EXT1: variants seen among roughly 807,000 people sequenced by gnomAD.
EXT1 encodes the protein exostosin-1.
In EXT1, 20 loss-of-function variants were observed where a neutral mutation model predicts 82.5. That is an observed-to-expected ratio of 0.24 (90% CI 0.17 to 0.35). The LOEUF (loss-of-function observed/expected upper bound fraction) is 0.35. EXT1 is among the 10% of genes least tolerant of loss of function. The probability of loss-of-function intolerance (pLI) is 1.00; values close to 1 mark genes in which losing one functional copy is unlikely to be tolerated. For missense variants in EXT1, 757 were observed against 936.5 expected, an observed-to-expected ratio of 0.81 and a Z score of 2.50; for synonymous variants, 348 against 350.8, an observed-to-expected ratio of 0.99 and a Z score of 0.09.
chr8:118,046,978 GTGTTTC>G (rs1437822360), intron 1 of EXT1, among the ~76,000 whole-genome samples: 2 of 152,178 alleles, frequency 1.3e-5, no homozygotes, highest in African/African-American at 4.8e-5. Flanking sequence ...TTGGAATGGT[GTGTTTC>G]TGTGGAGGAG....
At chr8:117,962,241 C>T (rs929165354) in intron 1 of EXT1, among the ~76,000 whole-genome samples, 1 of 152,156 alleles carries the variant, frequency 6.6e-6, no homozygotes, top group African/African-American at 2.4e-5. Context: ...GAATACTCTT[C>T]TTTCTATGAA....
At chr8:117,882,186 T>C (rs1813072725) in intron 1 of EXT1, among the ~76,000 whole-genome samples, 1 of 152,178 alleles carries the variant, frequency 6.6e-6, no homozygotes, top group Non-Finnish European at 1.5e-5. Flanking sequence ...GTTCAAGCAA[T>C]TCTCCCACCT....
rs536898096 is a variant in EXT1, at chr8:117,873,203, G to C, written c.963-36002C>G. 2.0e-5 allele frequency among the ~76,000 whole-genome samples: 3 copies of C among 152,220 alleles called. No homozygotes were observed. The East Asian group carries it at 5.8e-4, about 29-fold the overall frequency. Reference sequence around the variant, plus strand: ...CAGAAGCTGACCATGTTGGCACCCTGGTCTCGGACTCTGAGTCTCCACAAC... The same window carrying C: ...CAGAAGCTGACCATGTTGGCACCCTCGTCTCGGACTCTGAGTCTCCACAAC... On this transcript the variant is annotated intron_variant, in intron 1 of 10. Transcript: ENST00000378204.
intron 1 of EXT1, among the ~76,000 whole-genome samples, chr8:118,103,195 G>A (rs1202566534): frequency 1.4e-5 from 2 of 148,044 alleles, no homozygotes; most frequent in Non-Finnish European, 3.0e-5. Context: ...TGTCCAGGGT[G>A]GAGTGCAGTG....
chr8:118,105,286 T>C (rs1245103277), intron 1 of EXT1, among the ~76,000 whole-genome samples: 1 of 152,164 alleles, frequency 6.6e-6, no homozygotes, highest in Admixed American at 6.5e-5. Flanking sequence ...CATCTCCCCT[T>C]TTGCCATCCA....
At chr8:118,073,703 A>AGAAGAGAAGAGAAGC (rs1563647860) in intron 1 of EXT1, among the ~76,000 whole-genome samples, 2 of 101,026 alleles carry the variant, frequency 2.0e-5, no homozygotes, top group Non-Finnish European at 4.7e-5. Flanking sequence ...AGAAGAGAAG[A>AGAAGAGAAGAGAAGC]GAAGCCTCTT....
At chr8:117,831,800 T>C (rs12682457) in intron 3 of EXT1, 67,832 of 376,600 alleles carry the variant, frequency 0.18, 7,167 homozygotes, top group East Asian at 0.38. Flanking sequence ...GGAGGAGCAA[T>C]AAAATAGCTT....
chr8:118,106,303 A>T (rs1817802248), intron 1 of EXT1, among the ~76,000 whole-genome samples: 1 of 152,252 alleles, frequency 6.6e-6, no homozygotes. Flanking sequence ...AGGGTGCCTG[A>T]GAATAGAAAT....
Position 117,819,680 on chromosome 8 carries a change from G to A in EXT1, c.1532C>T (p.Ala511Val). 1 of 1,612,104 alleles carries A rather than the reference G, an allele frequency of 6.2e-7. No homozygotes were observed. The highest frequency in any genetic ancestry group is 8.5e-7 in the Non-Finnish European group (1 of 1,179,710). ...LVAAAKSQYC[A>V]QIIVLWNCDK... ...CTCTGTCAACTTCCCGCTCACCTGGGCACAGTACTGGGACTTGGCTGCAGC... is the reference window on the plus strand; with the variant it reads ...CTCTGTCAACTTCCCGCTCACCTGGACACAGTACTGGGACTTGGCTGCAGC... The change falls in exon 6 of 11, where the codon GCC becomes GTC. Residue 511 changes from alanine to valine, a missense_variant. Physicochemically the swap from Ala to Val is moderately conservative, Grantham distance 64 (BLOSUM62 0). Around this residue, in one of 4 missense-constraint regions of EXT1, gnomAD observed 207 missense variants for 224.2 expected, o/e 0.92. Transcript: ENST00000378204.
At chr8:118,078,238 A>G (rs1815751217) in intron 1 of EXT1, among the ~76,000 whole-genome samples, 1 of 152,120 alleles carries the variant, frequency 6.6e-6, no homozygotes, top group Admixed American at 6.6e-5. Context: ...TCGCTCTGTC[A>G]CCCAGGTTGG....
chr8:118,002,723 G>A (rs573211940), intron 1 of EXT1, among the ~76,000 whole-genome samples: 5 of 151,734 alleles, frequency 3.3e-5, no homozygotes, highest in Admixed American at 1.3e-4. Flanking sequence ...TAGTAGAGAC[G>A]GGGTTTCACC....
At chr8:118,006,558 T>C (rs1815779679) in intron 1 of EXT1, among the ~76,000 whole-genome samples, 1 of 152,142 alleles carries the variant, frequency 6.6e-6, no homozygotes, top group South Asian at 2.1e-4. Context: ...GTAACAATAA[T>C]GGGGGACAAC....
chr8:118,008,554 C>A (rs1262638343), intron 1 of EXT1, among the ~76,000 whole-genome samples: 8 of 152,140 alleles, frequency 5.3e-5, no homozygotes, highest in Non-Finnish European at 1.0e-4. Flanking sequence ...GCCCAGCCTG[C>A]ATTTTATATA....
At chr8:118,084,731 C>T (rs1018045980) in intron 1 of EXT1, among the ~76,000 whole-genome samples, 2 of 152,184 alleles carry the variant, frequency 1.3e-5, no homozygotes, top group East Asian at 3.9e-4. Context: ...CCAGTTCATG[C>T]GGTGTTCAAA....
At chr8:117,890,104 A>C (rs996726740) in intron 1 of EXT1, among the ~76,000 whole-genome samples, 9 of 152,244 alleles carry the variant, frequency 5.9e-5, no homozygotes, top group African/African-American at 2.2e-4. Flanking sequence ...GCTGGACAAC[A>C]GAGTAAGAAT....
At position 118,110,976 on chromosome 8, in the gene EXT1, C is replaced by A. The variant is rs1306372997; in HGVS notation, c.71G>T (p.Gly24Val). 1.9e-6 allele frequency: 3 copies of A among 1,610,564 alleles called. No homozygotes were observed. The highest frequency in any genetic ancestry group is 1.3e-5 in the African/African-American group (1 of 74,904). ...GSCLALLFYFGGLQFRASRSH... is the reference protein window; with the variant it reads ...GSCLALLFYFVGLQFRASRSH... Reference sequence around the variant, plus strand: ...CCTCGATGCCCTAAACTGCAAGCCTCCGAAATAAAACAAAAGGGCGAGACA... The same window carrying A: ...CCTCGATGCCCTAAACTGCAAGCCTACGAAATAAAACAAAAGGGCGAGACA... The change falls in exon 1 of 11, where the codon GGA becomes GTA. Residue 24 changes from glycine to valine, a missense_variant. Coordinates refer to ENST00000378204, the MANE Select transcript of EXT1 (RefSeq NM_000127.3).
At chr8:117,919,884 T>A (rs1313773695) in intron 1 of EXT1, among the ~76,000 whole-genome samples, 1 of 152,204 alleles carries the variant, frequency 6.6e-6, no homozygotes, top group Non-Finnish European at 1.5e-5. Context: ...ATTTAGAAGG[T>A]CAGATAATAC....
intron 1 of EXT1, among the ~76,000 whole-genome samples, chr8:117,904,403 G>A (rs1329268544): frequency 6.6e-6 from 1 of 152,182 alleles, no homozygotes; most frequent in Non-Finnish European, 1.5e-5. Context: ...TGAGTATAAG[G>A]AAGTCTACCA....
At chr8:117,926,373 G>A (rs1813953096) in intron 1 of EXT1, among the ~76,000 whole-genome samples, 1 of 152,152 alleles carries the variant, frequency 6.6e-6, no homozygotes, top group Non-Finnish European at 1.5e-5. Flanking sequence ...TTCCTTTTAA[G>A]ACAGACCAGG....
Sources: gnomAD v4.1 joint callset for allele counts (sites outside exome capture counted in the v4.1 genomes callset) on GRCh38, gnomAD v4.1.1 for gene constraint, gnomAD v4.1.1 regional missense constraint, MANE v1.5 for transcripts, NCBI Gene and HGNC (gene_info 2026-07-23, HGNC 2026-07-21) for gene names.